Variants in HNRNPH1 observed in about 807,000 individuals in gnomAD.
HNRNPH1 encodes heterogeneous nuclear ribonucleoprotein H1, also known as heterogeneous nuclear ribonucleoprotein H.
HNRNPH1 carries 4 observed loss-of-function variants against 58.6 expected under a neutral mutation model. The ratio of observed to expected loss-of-function variants is 0.07; its 90% CI spans 0.03 to 0.16. HNRNPH1 has a LOEUF of 0.16. HNRNPH1 is among the 10% of genes least tolerant of loss of function. The pLI, the probability that HNRNPH1 is intolerant of heterozygous loss-of-function variation, is 1.00. For synonymous variants in HNRNPH1, 192 were observed against 189.2 expected (o/e 1.01, Z -0.12); for missense variants, 271 against 564.2 (o/e 0.48, Z 5.26).
chr5:179,616,434 C>T (rs1769713614), intron 10 of HNRNPH1: 1 of 572,748 alleles, frequency 1.7e-6, no homozygotes, highest in Non-Finnish European at 3.1e-6. Flanking sequence ...ACGGTACACA[C>T]ATCAGCAGGA....
intron 12 of HNRNPH1, 138 bp downstream of exon 13, chr5:179,615,408 T>G (rs1381616449): frequency 3.8e-6 from 2 of 533,024 alleles, no homozygotes; most frequent in Non-Finnish European, 6.8e-6. Context: ...ACAACCAAGC[T>G]GGACTAAAGG....
At chr5:179,615,040 TA>T (rs1407192599) in intron 12 of HNRNPH1, 81 bp from the exon 14 acceptor site, 3 of 889,312 alleles carry the variant, frequency 3.4e-6, no homozygotes, top group East Asian at 2.7e-5. Context: ...AGAAAAAGTT[TA>T]AAAAGTATAC....
chr5:179,617,479 CTGT>C (rs1169144602), intron 8 of HNRNPH1, 32 bp downstream of exon 9: 4 of 1,602,588 alleles, frequency 2.5e-6, no homozygotes, highest in Non-Finnish European at 3.4e-6. Context: ...ACACAATCAC[CTGT>C]TAAGAGCCCA....
intron 2 of HNRNPH1, among the ~76,000 whole-genome samples, chr5:179,633,354 G>A (rs746378628): frequency 2.7e-4 from 41 of 151,704 alleles, no homozygotes; most frequent in Non-Finnish European, 5.7e-4. Context: ...GGAGTGCAGT[G>A]GCACAATCTC....
upstream of HNRNPH1, among the ~76,000 whole-genome samples, chr5:179,625,220 G>A (rs1213919789): frequency 1.3e-5 from 2 of 152,202 alleles, no homozygotes; most frequent in Admixed American, 6.5e-5. Flanking sequence ...GTCCGGCCAG[G>A]TGCGGTGGCT....
chr5:179,618,098 A>G, intron 5 of HNRNPH1, 38 bp from the exon 7 acceptor site: 1 of 1,613,510 alleles, frequency 6.2e-7, no homozygotes, highest in South Asian at 1.1e-5. Context: ...TAAAACACCT[A>G]GACAAAGGAA....
chr5:179,627,287 G>T (rs1307273302), upstream of HNRNPH1, among the ~76,000 whole-genome samples: 1 of 151,780 alleles, frequency 6.6e-6, no homozygotes, highest in African/African-American at 2.4e-5. Context: ...GAACTCCTGG[G>T]CTCAAGCCAT....
chr5:179,616,023 TACTCTA>T (rs1482511076), intron 11 of HNRNPH1, 97 bp downstream of exon 12: 1 of 1,013,472 alleles, frequency 9.9e-7, no homozygotes, highest in Non-Finnish European at 1.5e-6. Flanking sequence ...GCCTGCGACT[TACTCTA>T]AGTACAGTAA....
exon 6 of HNRNPH1, chr5:179,617,999 T>C (rs115489078): frequency 3.0e-5 from 49 of 1,614,176 alleles, no homozygotes; most frequent in Admixed American, 1.2e-4. Context: ...CTCTTCCAAA[T>C]CTATCTGACC....
upstream of HNRNPH1, among the ~76,000 whole-genome samples, chr5:179,626,423 A>G (rs946238656): frequency 6.6e-6 from 1 of 151,618 alleles, no homozygotes; most frequent in African/African-American, 2.4e-5. Context: ...TTTTAAATAA[A>G]AAGTTAATCA....
chr5:179,617,333 C>G (rs1770259213), intron 8 of HNRNPH1, 181 bp downstream of exon 9: 2 of 764,784 alleles, frequency 2.6e-6, no homozygotes, highest in African/African-American at 3.5e-5. Flanking sequence ...GTGCATATCA[C>G]AAATCCGTTA....
intron 2 of HNRNPH1, among the ~76,000 whole-genome samples, chr5:179,630,910 AT>A (rs1323037934): frequency 1.3e-5 from 2 of 151,874 alleles, no homozygotes; most frequent in Middle Eastern, 3.4e-3. Flanking sequence ...AAAAAAAAAA[AT>A]CTCAAAAAAG....
At chr5:179,618,395 G>C (rs1228575087) in intron 4 of HNRNPH1, 72 bp from the exon 6 acceptor site, 20 of 1,046,572 alleles carry the variant, frequency 1.9e-5, no homozygotes, top group Non-Finnish European at 2.8e-6. Context: ...CAGGTATTTA[G>C]TTATACAAGA....
chr5:179,617,069 C>T (rs1263480900), exon 9 of HNRNPH1: 2 of 1,614,018 alleles, frequency 1.2e-6, no homozygotes, highest in Non-Finnish European at 1.7e-6. Context: ...CCACCGCTTG[C>T]TCCTGCTGTA....
intron 1 of HNRNPH1, 193 bp from the exon 3 acceptor site, chr5:179,621,590 T>A: frequency 1.7e-6 from 1 of 582,554 alleles, no homozygotes; most frequent in Non-Finnish European, 3.0e-6. Flanking sequence ...GTGATATATT[T>A]CCAACCCATC....
chr5:179,620,581 A>G, intron 3 of HNRNPH1: 1 of 268,420 alleles, frequency 3.7e-6, no homozygotes, highest in Non-Finnish European at 7.2e-6. Context: ...AAGGGATCTT[A>G]CCTTTAACTT....
rs771242480 is a variant in HNRNPH1 at position 179,618,020 on chromosome 5, G to A, written c.756C>T (p.Gly252=). The A allele has an allele frequency of 1.4e-5, 22 of 1,614,068 alleles. No homozygotes were observed. In the South Asian group the frequency reaches 2.4e-4, roughly 18 times the overall value. The change falls in exon 6 of 13, where the codon GGC becomes GGT. Residue 252 remains glycine (G), a synonymous_variant. Coordinates refer to ENST00000356731, the Ensembl canonical transcript of HNRNPH1. ...CAAATCTATCTGACCCAAATCCATA[G>A]CCATCATTATAGCCATTGTAATCAT...
chr5:179,625,487 CA>C (rs36011321), upstream of HNRNPH1, among the ~76,000 whole-genome samples: 313 of 86,316 alleles, frequency 3.6e-3, no homozygotes, highest in Admixed American at 6.3e-3. Flanking sequence ...GACTCCCTCT[CA>C]AAAAAAAAAA....
At chr5:179,616,099 C>CT (rs1313820910) in intron 11 of HNRNPH1, 27 bp downstream of exon 12, 1 of 1,552,804 alleles carries the variant, frequency 6.4e-7, no homozygotes, top group East Asian at 2.2e-5. Flanking sequence ...ATAACTTACT[C>CT]TAAGTACAGT....
Sources: allele counts gnomAD v4.1 joint callset (sites outside exome capture counted in the v4.1 genomes callset), GRCh38; gene constraint gnomAD v4.1.1; transcripts MANE v1.5; gene names NCBI Gene and HGNC (gene_info 2026-07-23, HGNC 2026-07-21).